RBFOX3: variants seen among roughly 807,000 people sequenced by gnomAD.
The protein encoded by RBFOX3 is RNA binding fox-1 homolog 3, also known as RNA binding protein fox-1 homolog 3.
A neutral mutation model predicts 48.7 loss-of-function variants in RBFOX3; 17 were observed. The ratio of observed to expected loss-of-function variants is 0.35; its 90% CI spans 0.24 to 0.52. The LOEUF (loss-of-function observed/expected upper bound fraction) is 0.52, where lower values mean the gene tolerates loss of function less well. RBFOX3 is among the 20% of genes least tolerant of loss of function. The pLI is 0.94. For synonymous variants in RBFOX3, 212 were observed against 209.5 expected (o/e 1.01, Z -0.10); for missense variants, 382 against 497.5 (o/e 0.77, Z 2.21).
At chr17:79,627,796 C>T in the RBFOX3 span, among the ~76,000 whole-genome samples, 2 of 113,684 alleles carry the variant, frequency 1.8e-5, no homozygotes, top group Admixed American at 8.3e-5. Flanking sequence ...TCCTCCCTCC[C>T]CAGGTTGCTA....
chr17:79,388,982 C>T (rs952532345), intron 2 of RBFOX3, among the ~76,000 whole-genome samples: 1 of 152,252 alleles, frequency 6.6e-6, no homozygotes, highest in African/African-American at 2.4e-5. Flanking sequence ...GCTTCCTTCG[C>T]CTCCTGCAAT....
At chr17:79,122,117 CACACCACAAACAGTCCAGTAGCAA>C (rs1281532064) in intron 4 of RBFOX3, among the ~76,000 whole-genome samples, 4 of 152,146 alleles carry the variant, frequency 2.6e-5, no homozygotes, top group East Asian at 1.9e-4. Context: ...TTTTGGCCCA[CACACCACAAACAGTCCAGTAGCAA>C]ACCCCACAAA....
At chr17:79,338,836 A>T (rs2081594974) in intron 2 of RBFOX3, among the ~76,000 whole-genome samples, 2 of 152,188 alleles carry the variant, frequency 1.3e-5, no homozygotes, top group African/African-American at 4.8e-5. Context: ...ATAAAGAGCT[A>T]GCTCAAACTT....
intron 2 of RBFOX3, among the ~76,000 whole-genome samples, chr17:79,401,335 T>C (rs113361552): frequency 1.4e-4 from 22 of 152,256 alleles, no homozygotes; most frequent in African/African-American, 5.1e-4. Flanking sequence ...ACTACCACTT[T>C]AAAATAGGTC....
intron 2 of RBFOX3, among the ~76,000 whole-genome samples, chr17:79,466,321 C>A (rs868978532): frequency 6.6e-6 from 1 of 152,262 alleles, no homozygotes; most frequent in Admixed American, 6.5e-5. Flanking sequence ...TCCTGGGGGG[C>A]GGGGGGCGAG....
chr17:79,448,016 G>A (rs576694842), intron 2 of RBFOX3, among the ~76,000 whole-genome samples: 1 of 152,180 alleles, frequency 6.6e-6, no homozygotes, highest in Non-Finnish European at 1.5e-5. Flanking sequence ...GCCATGTGAA[G>A]ACGTGCCTGC....
the RBFOX3 span, among the ~76,000 whole-genome samples, chr17:79,620,669 GCACACACGC>G: frequency 7.4e-6 from 1 of 134,636 alleles, no homozygotes; most frequent in Non-Finnish European, 1.5e-5. Context: ...ACACGCACAT[GCACACACGC>G]ACATGCACAC....
chr17:79,122,343 C>T (rs1397228517), intron 4 of RBFOX3, among the ~76,000 whole-genome samples: 1 of 152,180 alleles, frequency 6.6e-6, no homozygotes, highest in African/African-American at 2.4e-5. Flanking sequence ...CTGCACGACC[C>T]CTGCTCCTGC....
the RBFOX3 span, among the ~76,000 whole-genome samples, chr17:79,629,926 G>A: frequency 1.3e-5 from 2 of 152,210 alleles, no homozygotes; most frequent in African/African-American, 4.8e-5. Flanking sequence ...GAAGCAGGCT[G>A]GAAGGACACA....
At chr17:79,628,477 C>T in the RBFOX3 span, among the ~76,000 whole-genome samples, 1 of 152,200 alleles carries the variant, frequency 6.6e-6, no homozygotes, top group African/African-American at 2.4e-5. Context: ...TCTGCCATGA[C>T]GTGCCCGGGT....
chr17:79,170,483 G>A lies in RBFOX3; in HGVS notation c.-33-54735C>T, dbSNP rs571781941. Among the ~76,000 whole-genome samples, 5 of 152,108 alleles carry A rather than the reference G, an allele frequency of 3.3e-5. 1 individual carries two copies. The highest frequency in any genetic ancestry group is 7.4e-5 in the Non-Finnish European group (5 of 67,996). ...CGGCCTGGGGGCTCTTGAGGGCTGG[G>A]GGGGCAAGGCCTGGTCAGTGCAGGC... On this transcript the variant is annotated intron_variant, in intron 4 of 14. Transcript: ENST00000693108.
chr17:79,589,908 C>G (rs1484568492), intron 1 of RBFOX3, among the ~76,000 whole-genome samples: 1 of 152,032 alleles, frequency 6.6e-6, no homozygotes, highest in Admixed American at 6.5e-5. Flanking sequence ...TGCCTCAGTG[C>G]GAGGTTTATA....
At chr17:79,104,928 TTC>T (rs2077095081) in intron 6 of RBFOX3, among the ~76,000 whole-genome samples, 2 of 152,140 alleles carry the variant, frequency 1.3e-5, no homozygotes, top group Non-Finnish European at 2.9e-5. Context: ...TGAGCAACTG[TTC>T]AGGTCGTTTG....
chr17:79,571,856 C>A, intron 1 of RBFOX3, among the ~76,000 whole-genome samples: 1 of 152,162 alleles, frequency 6.6e-6, no homozygotes, highest in East Asian at 1.9e-4. Context: ...CCTGTGGTGG[C>A]GACAATAGAA....
chr17:79,416,617 C>T (rs1387910308), intron 2 of RBFOX3, among the ~76,000 whole-genome samples: 1 of 152,206 alleles, frequency 6.6e-6, no homozygotes, highest in Non-Finnish European at 1.5e-5. Context: ...ATCCCAGTAG[C>T]CTCCTGTGGG....
chr17:79,139,884 C>T (rs1422735031), intron 4 of RBFOX3, among the ~76,000 whole-genome samples: 8 of 152,200 alleles, frequency 5.3e-5, no homozygotes, highest in African/African-American at 4.8e-5. Context: ...AGCCAGACGA[C>T]GTGGGTGTCA....
chr17:79,229,972 A>T (rs1347900116), intron 4 of RBFOX3, among the ~76,000 whole-genome samples: 1 of 152,148 alleles, frequency 6.6e-6, no homozygotes, highest in African/African-American at 2.4e-5. Flanking sequence ...TCAGCTGGAG[A>T]TGCTGTGCCC....
chr17:79,182,764 A>AGGCGGGTGGCCCG (rs1568299649), intron 4 of RBFOX3, among the ~76,000 whole-genome samples: 2 of 151,092 alleles, frequency 1.3e-5, no homozygotes, highest in Admixed American at 1.3e-4. Context: ...CGGGTGGCCC[A>AGGCGGGTGGCCCG]CCTCCCCCGC....
At chr17:79,094,699 T>C (rs894848998) in intron 13 of RBFOX3, among the ~76,000 whole-genome samples, 170 bp from the exon 14 acceptor site, 6 of 149,186 alleles carry the variant, frequency 4.0e-5, no homozygotes, top group Non-Finnish European at 8.9e-5. Flanking sequence ...TACCCCTCCT[T>C]CTTGTTAAGA....
Sources: allele counts gnomAD v4.1 joint callset (sites outside exome capture counted in the v4.1 genomes callset), GRCh38; gene constraint gnomAD v4.1.1; transcripts MANE v1.5; gene names NCBI Gene and HGNC (gene_info 2026-07-23, HGNC 2026-07-21).